TTC34: variants seen among roughly 807,000 people sequenced by gnomAD.
The protein encoded by TTC34 is tetratricopeptide repeat domain 34.
In TTC34, 44 loss-of-function variants were observed where a neutral mutation model predicts 40.7. The ratio of observed to expected loss-of-function variants is 1.08; its 90% CI spans 0.85 to 1.39. The LOEUF is 1.39. Ranked by LOEUF, TTC34 falls within the 40% of genes most tolerant of loss-of-function variation. TTC34 has a pLI of 0.00. For synonymous variants in TTC34, 422 were observed against 398.6 expected (o/e 1.06, Z -0.70); for missense variants, 884 against 838.0 (o/e 1.05, Z -0.68).
chr1:2,651,297 T>A (rs1639127221), intron 6 of TTC34, among the ~76,000 whole-genome samples: 1 of 151,746 alleles, frequency 6.6e-6, no homozygotes, highest in Non-Finnish European at 1.5e-5. Context: ...TCTGACAACC[T>A]GGAATAGAAC....
intron 6 of TTC34, among the ~76,000 whole-genome samples, chr1:2,755,712 G>T (rs1641481132): frequency 3.6e-5 from 1 of 27,410 alleles, no homozygotes. Flanking sequence ...ACCCACAGGT[G>T]AGCATCCGAC....
intron 6 of TTC34, among the ~76,000 whole-genome samples, chr1:2,683,457 G>A (rs1640172378): frequency 6.6e-6 from 1 of 151,432 alleles, no homozygotes; most frequent in Non-Finnish European, 1.5e-5. Flanking sequence ...CCGACAGCCT[G>A]GAGCAGCACC....
chr1:2,767,082 T>C (rs1389015860), intron 6 of TTC34, among the ~76,000 whole-genome samples: 11 of 392 alleles, frequency 0.028, no homozygotes, highest in Admixed American at 0.059. Flanking sequence ...GCACCCACAC[T>C]CCCAGGTGAG....
intron 6 of TTC34, among the ~76,000 whole-genome samples, chr1:2,768,314 G>A (rs939670982): frequency 1.3e-5 from 2 of 152,148 alleles, no homozygotes; most frequent in Non-Finnish European, 2.9e-5. Flanking sequence ...TCGCATGGGG[G>A]TGAAGGGTGG....
Position 2,756,043 on chromosome 1 carries a change from C to G in TTC34, c.2226+27566G>C, listed in dbSNP as rs1274967315. ...CACACACCCCCAGGCGAGCATCTGA[C>G]AACCTGGAACAGCACCCATACGCCA... On this transcript the variant is annotated intron_variant, in intron 6 of 8. Transcript: ENST00000401095. Among the ~76,000 whole-genome samples the G allele has an allele frequency of 2.8e-5, 2 of 71,480 alleles. 1 individual carries two copies. The highest frequency in any genetic ancestry group is 4.9e-5 in the Non-Finnish European group (2 of 41,162). The allele number at this position is 71,480 out of a possible 152,430, so 46.9% of individuals were successfully genotyped here.
In TTC34 at chr1:2,786,032, G is replaced by A. The variant is rs958774418; in HGVS notation, c.1855-9C>T. 4 of 1,457,628 alleles carry A rather than the reference G, an allele frequency of 2.7e-6. No homozygotes were observed. In the South Asian group the frequency reaches 4.2e-5, roughly 15 times the overall value. 90.3% of individuals were successfully genotyped at this position (1,457,628 alleles called of 1,614,324 possible). On this transcript the variant is annotated splice_polypyrimidine_tract_variant and intron_variant, in intron 4 of 8. Transcript: ENST00000401095. The stretch of plus-strand genomic sequence containing the variant: ...ACCAGCTTCTTCACCAACTGCAAGG[G>A]TGCCACAGTCACTGCCCATGCCCTT...
At chr1:2,792,033 T>TTTTTTTTTTTTTTTTTG (rs1553171534) in intron 2 of TTC34, among the ~76,000 whole-genome samples, 1 of 107,104 alleles carries the variant, frequency 9.3e-6, no homozygotes, top group African/African-American at 4.0e-5. Flanking sequence ...TTTTTTTTTT[T>TTTTTTTTTTTTTTTTTG]AAAGACAGGG....
At chr1:2,752,495 C>CCG (rs2100435132) in intron 6 of TTC34, among the ~76,000 whole-genome samples, 1 of 143,708 alleles carries the variant, frequency 7.0e-6, no homozygotes, top group African/African-American at 2.6e-5. Context: ...CCCACACAGC[C>CCG]AGGTGAGCAT....
Position 2,790,914 on chromosome 1 carries a change from C to T in TTC34, c.785-568G>A, listed in dbSNP as rs544588018. On this transcript the variant is annotated intron_variant, in intron 2 of 8. Coordinates refer to ENST00000401095, the Ensembl canonical transcript of TTC34. The stretch of plus-strand genomic sequence containing the variant: ...TCAGGTCTAGGACTGGAGGGGCATG[C>T]CCTGCTGCTTACTGAGGGTGGACCT... 1.1e-4 allele frequency among the ~76,000 whole-genome samples: 16 copies of T among 152,316 alleles called. No homozygotes were observed. The South Asian group carries it at 3.1e-3, about 30-fold the overall frequency.
intron 2 of TTC34, among the ~76,000 whole-genome samples, chr1:2,794,530 G>A (rs767130267): frequency 4.6e-5 from 7 of 152,050 alleles, no homozygotes; most frequent in Non-Finnish European, 1.0e-4. Flanking sequence ...TATATACATA[G>A]CTAATCATAT....
At chr1:2,699,617 C>CGT (rs1641037129) in intron 6 of TTC34, among the ~76,000 whole-genome samples, 1 of 102,134 alleles carries the variant, frequency 9.8e-6, no homozygotes, top group Non-Finnish European at 2.2e-5. Context: ...CCCACACACC[C>CGT]AGGTCAGCAT....
intron 6 of TTC34, among the ~76,000 whole-genome samples, chr1:2,691,650 A>C (rs1434248295): frequency 8.7e-6 from 1 of 115,578 alleles, no homozygotes; most frequent in African/African-American, 3.1e-5. Flanking sequence ...GACAGCCTGG[A>C]ACAGCACCGA....
chr1:2,781,462 T>A (rs1643482428), intron 6 of TTC34, among the ~76,000 whole-genome samples: 1 of 152,240 alleles, frequency 6.6e-6, no homozygotes, highest in Non-Finnish European at 1.5e-5. Flanking sequence ...TTTCTACATA[T>A]AAGATCTGTG....
At chr1:2,767,999 C>G (rs545351875) in intron 6 of TTC34, among the ~76,000 whole-genome samples, 3 of 150,986 alleles carry the variant, frequency 2.0e-5, no homozygotes, top group African/African-American at 7.3e-5. Flanking sequence ...TGGAACAGCA[C>G]GTCCCCTCAG....
At chr1:2,675,043 A>T (rs796189707) in intron 6 of TTC34, among the ~76,000 whole-genome samples, 11,889 of 92,890 alleles carry the variant, frequency 0.13, 2,916 homozygotes, top group Non-Finnish European at 0.21. Context: ...ACCCACAACC[A>T]CAGGTGAGCA....
At chr1:2,795,502 G>A (rs1643703440) in intron 2 of TTC34, among the ~76,000 whole-genome samples, 1 of 152,178 alleles carries the variant, frequency 6.6e-6, no homozygotes, top group African/African-American at 2.4e-5. Flanking sequence ...ATGGCCCTGG[G>A]AGAATTCCAA....
intron 6 of TTC34, among the ~76,000 whole-genome samples, chr1:2,749,910 G>T (rs1641260961): frequency 8.0e-6 from 1 of 124,634 alleles, no homozygotes; most frequent in Non-Finnish European, 1.6e-5. Context: ...TGACAGCCTG[G>T]GTCGGCACCC....
At chr1:2,752,195 G>A (rs1308693911) in intron 6 of TTC34, among the ~76,000 whole-genome samples, 3 of 118,772 alleles carry the variant, frequency 2.5e-5, no homozygotes, top group East Asian at 3.0e-4. Context: ...TGACAGCCTG[G>A]AACAGAACCC....
chr1:2,768,172 G>T (rs1557647970), intron 6 of TTC34, among the ~76,000 whole-genome samples: 2 of 151,690 alleles, frequency 1.3e-5, no homozygotes, highest in Non-Finnish European at 2.9e-5. Context: ...GAACCTTCAG[G>T]TGAGCATCTG....
Sources: allele counts gnomAD v4.1 joint callset (sites outside exome capture counted in the v4.1 genomes callset), GRCh38; gene constraint gnomAD v4.1.1; transcripts MANE v1.5; gene names NCBI Gene and HGNC (gene_info 2026-07-23, HGNC 2026-07-21).